Variants in SGCZ observed in about 807,000 individuals in gnomAD.
SGCZ encodes the protein zeta-sarcoglycan.
A neutral mutation model predicts 41.3 loss-of-function variants in SGCZ; 40 were observed. That is an observed-to-expected ratio of 0.97 (90% CI 0.75 to 1.26). The LOEUF (loss-of-function observed/expected upper bound fraction) is 1.26, where lower values mean the gene tolerates loss of function less well. Ranked by LOEUF, SGCZ falls within the 50% of genes most tolerant of loss-of-function variation. The probability of loss-of-function intolerance (pLI) is 0.00; values close to 1 mark genes in which losing one functional copy is unlikely to be tolerated. For synonymous variants in SGCZ, 206 were observed against 137.5 expected (o/e 1.50, Z -3.49); for missense variants, 552 against 369.8 (o/e 1.49, Z -4.04).
intron 1 of SGCZ, among the ~76,000 whole-genome samples, chr8:15,120,310 A>G (rs1297532681): frequency 2.0e-5 from 3 of 152,204 alleles, no homozygotes; most frequent in Non-Finnish European, 4.4e-5. Flanking sequence ...TGTAATCATA[A>G]TTGATCTTTA....
At chr8:14,242,566 A>C (rs1322668787) in intron 3 of SGCZ, among the ~76,000 whole-genome samples, 7 of 152,202 alleles carry the variant, frequency 4.6e-5, no homozygotes, top group Non-Finnish European at 1.0e-4. Flanking sequence ...AAATGAGACA[A>C]CATATGCAAA....
chr8:15,004,007 G>C (rs779573386), intron 1 of SGCZ, among the ~76,000 whole-genome samples: 2 of 152,106 alleles, frequency 1.3e-5, no homozygotes, highest in Non-Finnish European at 2.9e-5. Context: ...GGAAGCCCCT[G>C]AGAAAAGTGA....
At chr8:14,784,902 C>CAAAAAAAAAAAAAA (rs1182679983) in intron 1 of SGCZ, among the ~76,000 whole-genome samples, 5,446 of 37,746 alleles carry the variant, frequency 0.14, 771 homozygotes, top group East Asian at 0.19. Flanking sequence ...AACTCTGCCT[C>CAAAAAAAAAAAAAA]AAAAAAAAAA....
intron 1 of SGCZ, among the ~76,000 whole-genome samples, chr8:15,204,760 C>G (rs1801007236): frequency 6.6e-6 from 1 of 152,158 alleles, no homozygotes; most frequent in South Asian, 2.1e-4. Flanking sequence ...TTTATGTTAA[C>G]TATAGCCCAC....
chr8:14,390,409 A>T (rs1804728498), intron 2 of SGCZ, among the ~76,000 whole-genome samples: 1 of 151,946 alleles, frequency 6.6e-6, no homozygotes, highest in African/African-American at 2.4e-5. Context: ...AATCATGTTT[A>T]GAGCACTAAT....
At chr8:14,207,653 T>A (rs1368195398) in intron 4 of SGCZ, among the ~76,000 whole-genome samples, 1 of 152,172 alleles carries the variant, frequency 6.6e-6, no homozygotes, top group Non-Finnish European at 1.5e-5. Flanking sequence ...TGCTCTATTG[T>A]TAAATGAAAA....
intron 1 of SGCZ, among the ~76,000 whole-genome samples, chr8:15,000,980 G>C (rs1007694777): frequency 1.3e-5 from 2 of 152,186 alleles, no homozygotes; most frequent in African/African-American, 4.8e-5. Context: ...AGACAACATA[G>C]CCACTTCACC....
chr8:14,098,873 G>A (rs1330117567), intron 7 of SGCZ, among the ~76,000 whole-genome samples: 1 of 152,082 alleles, frequency 6.6e-6, no homozygotes, highest in African/African-American at 2.4e-5. Flanking sequence ...AAGTACTCAA[G>A]CCTTATGATG....
intron 1 of SGCZ, among the ~76,000 whole-genome samples, chr8:14,708,769 A>G (rs1809412382): frequency 6.6e-6 from 1 of 151,776 alleles, no homozygotes; most frequent in African/African-American, 2.4e-5. Context: ...ATTCTATATG[A>G]TATGGCTTCA....
chr8:14,577,977 T>A (rs1377227056), intron 1 of SGCZ, among the ~76,000 whole-genome samples: 1 of 152,172 alleles, frequency 6.6e-6, no homozygotes, highest in Admixed American at 6.5e-5. Context: ...ATGAGCTTGA[T>A]ATGCACTGCA....
intron 2 of SGCZ, among the ~76,000 whole-genome samples, chr8:14,551,466 ATATATATTATATAT>A (rs1456272773): frequency 0.011 from 73 of 6,546 alleles, 9 homozygotes; most frequent in South Asian, 0.05. Context: ...TATATATATT[ATATATATTATATAT>A]TATATATATT....
chr8:14,544,977 C>G (rs913620350), intron 2 of SGCZ, among the ~76,000 whole-genome samples: 1 of 152,092 alleles, frequency 6.6e-6, no homozygotes, highest in African/African-American at 2.4e-5. Context: ...ACCCTCTTCC[C>G]TTTTGAAACC....
At chr8:14,225,063 C>T (rs1166662585) in intron 4 of SGCZ, among the ~76,000 whole-genome samples, 2 of 152,104 alleles carry the variant, frequency 1.3e-5, no homozygotes, top group African/African-American at 2.4e-5. Flanking sequence ...TTTAAAGCTA[C>T]TTATTCCTAA....
chr8:14,578,411 C>G (rs1451696709), intron 1 of SGCZ, among the ~76,000 whole-genome samples: 1 of 152,194 alleles, frequency 6.6e-6, no homozygotes, highest in East Asian at 1.9e-4. Context: ...TGCAAGTTGT[C>G]CTACATGCTC....
chr8:14,091,544 G>C (rs1170127047), intron 7 of SGCZ, among the ~76,000 whole-genome samples: 2 of 152,106 alleles, frequency 1.3e-5, no homozygotes, highest in African/African-American at 4.8e-5. Flanking sequence ...GTATCCCATT[G>C]TGGATTTGAT....
chr8:14,459,488 C>T (rs969109032), intron 2 of SGCZ, among the ~76,000 whole-genome samples: 4 of 151,886 alleles, frequency 2.6e-5, no homozygotes, highest in Non-Finnish European at 4.4e-5. Flanking sequence ...AAGGGAGATA[C>T]GAAAATCAAG....
At chr8:14,310,146 A>G (rs1281890872) in intron 3 of SGCZ, among the ~76,000 whole-genome samples, 3 of 151,994 alleles carry the variant, frequency 2.0e-5, no homozygotes, top group Non-Finnish European at 4.4e-5. Flanking sequence ...TTTTTACAGC[A>G]TTGTCTTTGC....
intron 3 of SGCZ, among the ~76,000 whole-genome samples, chr8:14,300,757 A>G (rs1351441993): frequency 6.6e-6 from 1 of 151,932 alleles, no homozygotes; most frequent in Non-Finnish European, 1.5e-5. Context: ...TCTCTTAGCC[A>G]TACGTATGTC....
intron 1 of SGCZ, among the ~76,000 whole-genome samples, chr8:15,217,091 C>T (rs373163426): frequency 1.4e-4 from 22 of 152,170 alleles, no homozygotes; most frequent in Middle Eastern, 6.8e-3. Context: ...GTAAGCATTC[C>T]GACAGCTAAT....
Sources: gnomAD v4.1 joint callset for allele counts (sites outside exome capture counted in the v4.1 genomes callset) on GRCh38, gnomAD v4.1.1 for gene constraint, MANE v1.5 for transcripts, NCBI Gene and HGNC (gene_info 2026-07-23, HGNC 2026-07-21) for gene names.